Variants in ZBTB7A observed in about 807,000 individuals in gnomAD.
ZBTB7A encodes zinc finger and BTB domain containing 7A, also known as zinc finger and BTB domain-containing protein 7A.
ZBTB7A carries 7 observed loss-of-function variants against 26.7 expected under a neutral mutation model. The observed-to-expected ratio is 0.26, with a 90% CI of 0.15 to 0.49. The LOEUF (loss-of-function observed/expected upper bound fraction) is 0.49, where lower values mean the gene tolerates loss of function less well. Ranked by LOEUF, ZBTB7A falls within the 20% of genes least tolerant of loss-of-function variation. ZBTB7A has a pLI of 0.98. For synonymous variants in ZBTB7A, 452 were observed against 441.0 expected (o/e 1.02, Z -0.31); for missense variants, 617 against 919.5 (o/e 0.67, Z 4.25).
At chr19:4,056,028 T>G (rs1052126981) in intron 1 of ZBTB7A, among the ~76,000 whole-genome samples, 2 of 151,604 alleles carry the variant, frequency 1.3e-5, no homozygotes, top group East Asian at 3.9e-4. Flanking sequence ...TCCTCTAGCC[T>G]CAGTTTCCCC....
chr19:4,048,043 G>C lies in ZBTB7A; in HGVS notation c.1464C>G (p.Asp488Glu), dbSNP rs1316504740. Residue 488 changes from aspartate (D) to glutamate (E), a missense_variant, in exon 3 of 3, where the codon GAC becomes GAG. Around this residue, in one of 5 missense-constraint regions of ZBTB7A, gnomAD observed 27 missense variants for 38.7 expected, o/e 0.70. Transcript: ENST00000322357. The surrounding 1 kb of genome is among the most constrained non-coding windows in gnomAD (Gnocchi z 6.7). Reference protein sequence around the residue: ...SDHLHRHLKKDGCNGVPSRRG... With the variant: ...SDHLHRHLKKEGCNGVPSRRG... Reference sequence around the variant, plus strand: ...GGCGCGAGGGGACGCCGTTGCAGCCGTCTTTCTTGAGGTGTCTGTGCAGGT... The same window carrying C: ...GGCGCGAGGGGACGCCGTTGCAGCCCTCTTTCTTGAGGTGTCTGTGCAGGT... 6.5e-7 allele frequency: 1 copy of C among 1,540,396 alleles called. No individual in the cohort carries two copies. The highest frequency in any genetic ancestry group is 8.7e-7 in the Non-Finnish European group (1 of 1,143,392).
rs1433941899 is a variant in ZBTB7A at position 4,047,646 on chromosome 19, TATAG to T, written c.*102_*105del. 50 of 1,191,148 alleles carry T rather than the reference TATAG, an allele frequency of 4.2e-5. No individual in the cohort carries two copies. Among genetic ancestry groups the T allele is most frequent in the Admixed American group, 1.8e-4 (6 of 33,438 alleles). The allele number at this position is 1,191,148 out of a possible 1,614,324, so 73.8% of individuals were successfully genotyped here. ...ATATATATAGATATAGATATCTGTA[TATAG>T]ATAGATTTTCTTTTTTTGTGTTTTT... On this transcript the variant is annotated 3_prime_UTR_variant, in exon 3 of 3. Coordinates refer to ENST00000322357, the MANE Select transcript of ZBTB7A (RefSeq NM_015898.4).
At chr19:4,053,834 T>C (rs938773749) in intron 2 of ZBTB7A, 137 bp downstream of exon 2, 5 of 986,816 alleles carry the variant, frequency 5.1e-6, no homozygotes, top group African/African-American at 1.6e-5. Context: ...CGTGTACGTG[T>C]CTGTGTGCAC....
At chr19:4,053,199 G>T (rs561848823) in intron 2 of ZBTB7A, among the ~76,000 whole-genome samples, 1 of 152,306 alleles carries the variant, frequency 6.6e-6, no homozygotes, top group African/African-American at 2.4e-5. Flanking sequence ...AACCCTGTCC[G>T]GCACGCTTTG....
intron 1 of ZBTB7A, among the ~76,000 whole-genome samples, chr19:4,058,085 C>T (rs1025745272): frequency 6.6e-6 from 1 of 152,200 alleles, no homozygotes; most frequent in African/African-American, 2.4e-5. Flanking sequence ...CAGCTGAGGT[C>T]AAGGCCACCG....
intron 1 of ZBTB7A, among the ~76,000 whole-genome samples, chr19:4,056,607 C>T (rs1209458757): frequency 6.6e-6 from 1 of 152,148 alleles, no homozygotes; most frequent in Non-Finnish European, 1.5e-5. Flanking sequence ...TGGTGGCTCA[C>T]ACCTGTAATC....
At chr19:4,062,286 C>G (rs894225220) in intron 1 of ZBTB7A, 1 of 152,268 alleles carries the variant, frequency 6.6e-6, no homozygotes, top group Non-Finnish European at 1.5e-5. Context: ...CCACGCTCCT[C>G]CCGAGCGCCG....
rs545612713 is a variant in ZBTB7A at position 4,063,666 on chromosome 19, C to T, written c.-16+3016G>A. 3.6e-3 allele frequency among the ~76,000 whole-genome samples: 552 copies of T among 152,306 alleles called. 1 individual carries two copies. Among genetic ancestry groups the T allele is most frequent in the Non-Finnish European group, 6.3e-3 (428 of 68,010 alleles). On this transcript the variant is annotated intron_variant, in intron 1 of 2. Transcript: ENST00000322357. ...GTGCCTGCAGTTGAGCCTCTACTGC[C>T]AACCTCCGGCCCTGCTTAAAGACAG... is the stretch of plus-strand genomic sequence containing the variant.
Position 4,047,572 on chromosome 19 carries a change from A to G in ZBTB7A, c.*180T>C. On this transcript the variant is annotated 3_prime_UTR_variant, in exon 3 of 3. Coordinates refer to ENST00000322357, the MANE Select transcript of ZBTB7A (RefSeq NM_015898.4). ...CGTCAGAAAGGAGGGAAATCTGAGA[A>G]AGCGCTACCCTAGATTCTGTGACGC... The G allele has an allele frequency of 2.0e-6, 1 of 490,720 alleles. No individual in the cohort carries two copies. The allele number at this position is 490,720 out of a possible 1,614,324, so 30.4% of individuals were successfully genotyped here.
In ZBTB7A at chr19:4,063,803, C is replaced by T. The variant is rs140697567; in HGVS notation, c.-16+2879G>A. On this transcript the variant is annotated intron_variant, in intron 1 of 2. Coordinates refer to ENST00000322357, the MANE Select transcript of ZBTB7A (RefSeq NM_015898.4). ...CTGACCCCACCTGAGTGACCTTGGGCCGCTCTCTGCTTCCCCCTACGCTTC... is the reference window on the plus strand; with the variant it reads ...CTGACCCCACCTGAGTGACCTTGGGTCGCTCTCTGCTTCCCCCTACGCTTC... Among the ~76,000 whole-genome samples the T allele has an allele frequency of 4.9e-3, 744 of 152,292 alleles. 7 individuals are homozygous for T. The highest frequency in any genetic ancestry group is 0.016 in the African/African-American group (679 of 41,546).
At chr19:4,055,337 A>G in intron 1 of ZBTB7A, 90 bp from the exon 2 acceptor site, 1 of 1,416,478 alleles carries the variant, frequency 7.1e-7, no homozygotes. Context: ...CTTGAGAAGC[A>G]GCGTTCCACC....
At chr19:4,053,387 GTGTC>G in intron 2 of ZBTB7A, among the ~76,000 whole-genome samples, 1 of 152,310 alleles carries the variant, frequency 6.6e-6, no homozygotes, top group East Asian at 1.9e-4. Context: ...GCATATATGT[GTGTC>G]TGTGGGTGCA....
intron 2 of ZBTB7A, among the ~76,000 whole-genome samples, 160 bp downstream of exon 2, chr19:4,053,811 G>A (rs559514249): frequency 1.3e-5 from 2 of 151,928 alleles, no homozygotes; most frequent in Admixed American, 6.6e-5. Flanking sequence ...TAGGTGACGT[G>A]CATGTGTCTG....
chr19:4,043,547 C>T lies in ZBTB7A; in HGVS notation c.*4205G>A, dbSNP rs924113864. On this transcript the variant is annotated 3_prime_UTR_variant, in exon 3 of 3. Transcript: ENST00000322357. The stretch of plus-strand genomic sequence containing the variant: ...GTCTGTGCTCTGTACCCTGAGGGCG[C>T]CGCCCCGCCCCCCATTCACCAGGCC... 2.7e-4 allele frequency among the ~76,000 whole-genome samples: 41 copies of T among 151,856 alleles called. No individual in the cohort carries two copies. Among genetic ancestry groups the T allele is most frequent in the African/African-American group, 9.7e-4 (40 of 41,392 alleles).
At chr19:4,053,720 G>A (rs776800633) in intron 2 of ZBTB7A, among the ~76,000 whole-genome samples, 1 of 151,826 alleles carries the variant, frequency 6.6e-6, no homozygotes, top group Non-Finnish European at 1.5e-5. Flanking sequence ...TGTGTACGTG[G>A]CATACGCGTC....
chr19:4,059,253 T>C (rs1334650987), intron 1 of ZBTB7A, among the ~76,000 whole-genome samples: 4 of 152,034 alleles, frequency 2.6e-5, no homozygotes. Context: ...GTGACCAGGG[T>C]CCCCGCTCTG....
chr19:4,049,198 ATATATATATATGT>A (rs1412063684), intron 2 of ZBTB7A, among the ~76,000 whole-genome samples: 689 of 41,830 alleles, frequency 0.016, 90 homozygotes, highest in East Asian at 0.041. Context: ...ATATATATAT[ATATATATATATGT>A]AAGTTTGAGA....
Position 4,047,880 on chromosome 19 carries a change from C to T in ZBTB7A, c.1627G>A (p.Glu543Lys). Reference protein sequence around the residue: ...GQEKHFKDEDEDEDVASPDGL... With the variant: ...GQEKHFKDEDKDEDVASPDGL... ...TCGGGGCTGGCCACGTCCTCGTCCT[C>T]GTCCTCGTCCTTAAAGTGCTTCTCC... is the stretch of plus-strand genomic sequence containing the variant. Residue 543 changes from glutamate (E) to lysine (K), a missense_variant, in exon 3 of 3, where the codon GAG becomes AAG. This residue lies in a region of ZBTB7A where 136 missense variants were observed against 126.6 expected (regional missense o/e 1.07). Coordinates refer to ENST00000322357, the MANE Select transcript of ZBTB7A (RefSeq NM_015898.4). 6.3e-7 allele frequency: 1 copy of T among 1,598,090 alleles called. No individual in the cohort carries two copies. Among genetic ancestry groups the T allele is most frequent in the South Asian group, 1.1e-5 (1 of 89,364 alleles).
At chr19:4,061,383 G>A (rs539807161) in intron 1 of ZBTB7A, among the ~76,000 whole-genome samples, 28 of 150,302 alleles carry the variant, frequency 1.9e-4, no homozygotes, top group Non-Finnish European at 3.1e-4. Context: ...CCCCCTCCCC[G>A]CCCAGCGGCC....
Sources: gnomAD v4.1 joint callset for allele counts (sites outside exome capture counted in the v4.1 genomes callset) on GRCh38, gnomAD v4.1.1 for gene constraint, gnomAD v4.1.1 regional missense constraint, Gnocchi (gnomAD v3.1) non-coding constraint, MANE v1.5 for transcripts, NCBI Gene and HGNC (gene_info 2026-07-23, HGNC 2026-07-21) for gene names.